Variants in LDLRAD4 observed in about 807,000 individuals in gnomAD.
The protein encoded by LDLRAD4 is low-density lipoprotein receptor class A domain-containing protein 4.
In LDLRAD4, 5 loss-of-function variants were observed where a neutral mutation model predicts 17.0. The observed-to-expected ratio is 0.29, with a 90% CI of 0.15 to 0.62. The LOEUF is 0.62. Ranked by LOEUF, LDLRAD4 falls within the 20% of genes least tolerant of loss-of-function variation. LDLRAD4 has a pLI of 0.84. For missense variants in LDLRAD4, 340 were observed against 424.7 expected (o/e 0.80, Z 1.75); for synonymous variants, 168 against 171.8 (o/e 0.98, Z 0.17).
intron 2 of LDLRAD4, among the ~76,000 whole-genome samples, chr18:13,430,487 A>C (rs1055204812): frequency 1.3e-5 from 2 of 152,194 alleles, no homozygotes; most frequent in Non-Finnish European, 2.9e-5. Flanking sequence ...AAGGCTCTTC[A>C]CAATGGGATG....
intron 1 of LDLRAD4, among the ~76,000 whole-genome samples, chr18:13,291,170 C>T (rs1406926331): frequency 1.3e-5 from 2 of 152,334 alleles, no homozygotes; most frequent in South Asian, 2.1e-4. Context: ...TCCACGCCGC[C>T]TCTCCTTCCC....
At chr18:13,494,015 C>T (rs1394855853) in intron 3 of LDLRAD4, among the ~76,000 whole-genome samples, 2 of 152,202 alleles carry the variant, frequency 1.3e-5, no homozygotes, top group African/African-American at 2.4e-5. Flanking sequence ...GGTGTGGAGG[C>T]CGCCTTCCTG....
At chr18:13,416,858 A>G (rs1387467435) in intron 2 of LDLRAD4, among the ~76,000 whole-genome samples, 1 of 152,254 alleles carries the variant, frequency 6.6e-6, no homozygotes, top group Non-Finnish European at 1.5e-5. Flanking sequence ...GCATACACTT[A>G]CATAATACTC....
chr18:13,643,399 TGGGCGCCTCGGAGGTAAGG>T lies in LDLRAD4; in HGVS notation c.380_390+8del. On this transcript the variant is annotated splice_donor_variant and splice_donor_5th_base_variant and coding_sequence_variant and intron_variant, in exon 5 of 6. Transcript: ENST00000359446. LOFTEE classifies it high-confidence loss of function. ...CCTTCAGACAGCGCCGCACCGCGGC[TGGGCGCCTCGGAGGTAAGG>T]GGCCCCAGGAGGTGATGGCTGCGGG... 1 of 1,118,140 alleles carries T rather than the reference TGGGCGCCTCGGAGGTAAGG, an allele frequency of 8.9e-7. No homozygotes were observed. The highest frequency in any genetic ancestry group is 1.1e-6 in the Non-Finnish European group (1 of 906,476). 69.3% of individuals were successfully genotyped at this position (1,118,140 alleles called of 1,614,324 possible). A position where few individuals can be genotyped will look rare whatever the true frequency, so the allele number is the denominator to read the frequency against.
At chr18:13,364,163 G>GA (rs778431274) in intron 1 of LDLRAD4, among the ~76,000 whole-genome samples, 13 of 152,172 alleles carry the variant, frequency 8.5e-5, no homozygotes, top group Middle Eastern at 3.2e-3. Flanking sequence ...TATATATGCA[G>GA]AATCATCTGC....
intron 1 of LDLRAD4, among the ~76,000 whole-genome samples, chr18:13,281,178 G>A (rs2045253668): frequency 6.6e-6 from 1 of 152,178 alleles, no homozygotes; most frequent in African/African-American, 2.4e-5. Context: ...CTTGAGCACA[G>A]AAATTTGAAA....
At chr18:13,341,564 C>A (rs1280888171) in intron 1 of LDLRAD4, among the ~76,000 whole-genome samples, 3 of 152,062 alleles carry the variant, frequency 2.0e-5, no homozygotes, top group Non-Finnish European at 4.4e-5. Flanking sequence ...CTGATACTTG[C>A]ATGCTGATTT....
intron 3 of LDLRAD4, among the ~76,000 whole-genome samples, chr18:13,551,920 G>A (rs759820572): frequency 5.9e-5 from 9 of 152,134 alleles, no homozygotes; most frequent in Non-Finnish European, 7.4e-5. Flanking sequence ...TCCACTCATG[G>A]CATAAGGCAA....
chr18:13,615,908 C>T (rs2040020875), intron 3 of LDLRAD4: 1 of 147,398 alleles, frequency 6.8e-6, no homozygotes, highest in African/African-American at 2.6e-5. Flanking sequence ...GAAACTCAAC[C>T]AGTGGTCTGT....
intron 1 of LDLRAD4, among the ~76,000 whole-genome samples, chr18:13,289,490 A>C (rs1441997854): frequency 6.6e-6 from 1 of 152,208 alleles, no homozygotes; most frequent in East Asian, 1.9e-4. Context: ...CTTAACACGA[A>C]ATCTTCAGGA....
At chr18:13,372,281 A>G (rs1378842942) in intron 1 of LDLRAD4, among the ~76,000 whole-genome samples, 1 of 152,146 alleles carries the variant, frequency 6.6e-6, no homozygotes, top group East Asian at 1.9e-4. Flanking sequence ...TCTCTACCAC[A>G]GTTGCCTTGG....
chr18:13,269,562 C>CTT (rs113807644), intron 1 of LDLRAD4, among the ~76,000 whole-genome samples: 3 of 146,156 alleles, frequency 2.1e-5, no homozygotes, highest in African/African-American at 2.5e-5. Flanking sequence ...GGTAGATGAT[C>CTT]TTTTTTTTTT....
chr18:13,261,364 A>G (rs1412474234), intron 1 of LDLRAD4, among the ~76,000 whole-genome samples: 1 of 152,244 alleles, frequency 6.6e-6, no homozygotes, highest in Non-Finnish European at 1.5e-5. Flanking sequence ...CCTGGTGAAC[A>G]GTTTTCAGAG....
chr18:13,338,177 A>G (rs1450556489), intron 1 of LDLRAD4, among the ~76,000 whole-genome samples: 1 of 152,120 alleles, frequency 6.6e-6, no homozygotes, highest in Non-Finnish European at 1.5e-5. Flanking sequence ...CTTGCTCACA[A>G]CTTCTCTGAA....
At chr18:13,529,930 G>A (rs2094102272) in intron 3 of LDLRAD4, among the ~76,000 whole-genome samples, 1 of 152,134 alleles carries the variant, frequency 6.6e-6, no homozygotes, top group Non-Finnish European at 1.5e-5. Flanking sequence ...TTGCTTTCAT[G>A]AAAAATGATG....
intron 1 of LDLRAD4, among the ~76,000 whole-genome samples, chr18:13,251,256 A>G (rs554033878): frequency 1.3e-5 from 2 of 152,304 alleles, no homozygotes; most frequent in Non-Finnish European, 2.9e-5. Context: ...AAATGACAAA[A>G]CCACAGCTGA....
intron 1 of LDLRAD4, chr18:13,362,623 A>G (rs1256442906): frequency 6.6e-6 from 1 of 152,268 alleles, no homozygotes; most frequent in African/African-American, 2.4e-5. Context: ...GGCAAATTGA[A>G]TAAAACAAGT....
At chr18:13,221,739 T>G (rs2041463292) in intron 1 of LDLRAD4, among the ~76,000 whole-genome samples, 1 of 152,236 alleles carries the variant, frequency 6.6e-6, no homozygotes, top group Non-Finnish European at 1.5e-5. Flanking sequence ...AATGGATTGC[T>G]TTTCTTTTGA....
intron 3 of LDLRAD4, among the ~76,000 whole-genome samples, chr18:13,531,444 TA>T (rs34206198): frequency 0.89 from 122,325 of 138,056 alleles, 55,706 homozygotes; most frequent in Non-Finnish European, 0.99. Context: ...ACCCCATATC[TA>T]AAAAAAAAAA....
Sources: gnomAD v4.1 joint callset for allele counts (sites outside exome capture counted in the v4.1 genomes callset) on GRCh38, gnomAD v4.1.1 for gene constraint, MANE v1.5 for transcripts, NCBI Gene and HGNC (gene_info 2026-07-23, HGNC 2026-07-21) for gene names.